Variants in MTAP observed in about 807,000 individuals in gnomAD.
MTAP encodes the protein methylthioadenosine phosphorylase, also known as S-methyl-5'-thioadenosine phosphorylase.
In MTAP, 33 loss-of-function variants were observed where a neutral mutation model predicts 33.6. That is an observed-to-expected ratio of 0.98 (90% confidence interval 0.74 to 1.31). The LOEUF (loss-of-function observed/expected upper bound fraction) is 1.31, where lower values mean the gene tolerates loss of function less well. MTAP is among the 40% of genes most tolerant of loss of function. MTAP has a pLI of 0.00. For synonymous variants in MTAP, 148 were observed against 125.7 expected, an observed-to-expected ratio of 1.18 and a Z score of -1.19; for missense variants, 367 against 360.0, an observed-to-expected ratio of 1.02 and a Z score of -0.16.
At chr9:21,920,301 G>T (rs193051762) in intron 1 of MTAP, among the ~76,000 whole-genome samples, 40 of 152,262 alleles carry the variant, frequency 2.6e-4, no homozygotes, top group Admixed American at 2.6e-3. Context: ...CACCTAAGAA[G>T]ACTGTAAGAT....
intron 4 of MTAP, among the ~76,000 whole-genome samples, chr9:21,823,405 GA>G (rs1451435722): frequency 1.3e-5 from 2 of 152,150 alleles, no homozygotes; most frequent in Non-Finnish European, 2.9e-5. Flanking sequence ...ATTCTGGGTT[GA>G]AAATTCTTTT....
intron 1 of MTAP, among the ~76,000 whole-genome samples, chr9:21,896,874 T>A (rs142963934): frequency 0.01 from 1,562 of 152,214 alleles, 27 homozygotes; most frequent in African/African-American, 0.035. Flanking sequence ...CCTCCCTAAC[T>A]CACTTTATGA....
chr9:21,890,572 G>A (rs1290973122), intron 1 of MTAP, among the ~76,000 whole-genome samples: 1 of 152,164 alleles, frequency 6.6e-6, no homozygotes, highest in Admixed American at 6.5e-5. Flanking sequence ...AAGGACCCTT[G>A]TGAGAAAAAG....
intron 1 of MTAP, among the ~76,000 whole-genome samples, chr9:21,810,517 C>A (rs2117958820): frequency 6.6e-6 from 1 of 152,296 alleles, no homozygotes; most frequent in South Asian, 2.1e-4. Flanking sequence ...CCTGGGACTG[C>A]ATGAATCCCT....
rs759426951 is a variant in MTAP, at chr9:21,842,370, A to G, written c.450+4360A>G. ...TGAGGAAAACTTTGCTGGCCTTGCT[A>G]CAGATCTAGACATCCAAATACAAGA... On this transcript the variant is annotated intron_variant, in intron 5 of 7. Transcript: ENST00000644715. Among the ~76,000 whole-genome samples, 4 of 152,332 alleles carry G rather than the reference A, an allele frequency of 2.6e-5. No homozygotes were observed. The East Asian group carries it at 5.8e-4, about 22-fold the overall frequency.
chr9:21,812,035 G>T, intron 1 of MTAP: 1 of 256,014 alleles, frequency 3.9e-6, no homozygotes, highest in South Asian at 4.6e-5. Context: ...TAGCAACCAT[G>T]GCAGAGGTTG....
In MTAP at chr9:21,885,414, G is replaced by A. The variant is rs187932366; in HGVS notation, c.147+30544G>A. 2.9e-3 allele frequency among the ~76,000 whole-genome samples: 448 copies of A among 152,186 alleles called. 1 individual carries two copies. The highest frequency in any genetic ancestry group is 5.6e-3 in the Admixed American group (86 of 15,276). ...ATTCTGATTCAGTAGGTCTGGGGTGGGGCCCAATAATTTGCATTTTTTTTT... is the reference window on the plus strand; with the variant it reads ...ATTCTGATTCAGTAGGTCTGGGGTGAGGCCCAATAATTTGCATTTTTTTTT... On this transcript the variant is annotated intron_variant, in intron 1 of 1. Coordinates refer to the MTAP transcript ENST00000577563.
At chr9:21,828,568 G>A (rs180723640) in intron 4 of MTAP, among the ~76,000 whole-genome samples, 37 of 152,162 alleles carry the variant, frequency 2.4e-4, no homozygotes, top group African/African-American at 5.8e-4. Context: ...CCAGCTACTC[G>A]GAAGGCTGAG....
intron 1 of MTAP, among the ~76,000 whole-genome samples, chr9:21,805,323 C>T (rs1824182570): frequency 2.0e-5 from 3 of 152,208 alleles, no homozygotes; most frequent in Admixed American, 2.0e-4. Context: ...CAAATCTAGC[C>T]ATCTACTGGT....
intron 1 of MTAP, among the ~76,000 whole-genome samples, chr9:21,926,052 T>C (rs886110444): frequency 6.6e-6 from 1 of 152,188 alleles, no homozygotes; most frequent in Non-Finnish European, 1.5e-5. Flanking sequence ...GGGGCTTAGT[T>C]AACCTTTTCC....
chr9:21,862,170 TAG>T lies in MTAP; in HGVS notation c.*160_*161del. 1 of 1,454,776 alleles carries T rather than the reference TAG, an allele frequency of 6.9e-7. No homozygotes were observed. Among genetic ancestry groups the T allele is most frequent in the South Asian group, 1.5e-5 (1 of 65,756 alleles). The allele number at this position is 1,454,776 out of a possible 1,614,324, so 90.1% of individuals were successfully genotyped here. On this transcript the variant is annotated 3_prime_UTR_variant, in exon 8 of 8. Coordinates refer to ENST00000644715, the MANE Select transcript of MTAP (RefSeq NM_002451.4). ...AAGAAAGACAAGACATTGTGTGTAT[TAG>T]AGACTCCTGAATGATTTAGACAACT...
intron 1 of MTAP, chr9:21,930,049 C>G (rs1818931934): frequency 2.3e-6 from 1 of 430,014 alleles, no homozygotes; most frequent in South Asian, 2.0e-5. Context: ...AATGCCCAAG[C>G]TCATGCAGTA....
intron 1 of MTAP, among the ~76,000 whole-genome samples, chr9:21,803,981 A>G (rs1824138698): frequency 6.6e-6 from 1 of 152,198 alleles, no homozygotes; most frequent in Non-Finnish European, 1.5e-5. Context: ...TTTGAAAAGA[A>G]TCTTGCATCC....
intron 4 of MTAP, among the ~76,000 whole-genome samples, chr9:21,825,744 G>A (rs1824779138): frequency 6.6e-6 from 1 of 152,210 alleles, no homozygotes; most frequent in Admixed American, 6.5e-5. Flanking sequence ...AAGAGACTGA[G>A]GTGGGAGAAT....
chr9:21,933,647 T>C (rs1475505203), downstream of MTAP: 1 of 152,240 alleles, frequency 6.6e-6, no homozygotes, highest in Non-Finnish European at 1.5e-5. Context: ...ATCCTTTAGA[T>C]AATCTTAACT....
intron 1 of MTAP, among the ~76,000 whole-genome samples, chr9:21,909,670 G>C (rs1445155263): frequency 6.6e-6 from 1 of 152,096 alleles, no homozygotes; most frequent in Non-Finnish European, 1.5e-5. Context: ...GGGAGAGAAA[G>C]ATTAATGGTA....
At chr9:21,832,829 A>G (rs923710576) in intron 4 of MTAP, among the ~76,000 whole-genome samples, 3 of 152,178 alleles carry the variant, frequency 2.0e-5, no homozygotes, top group African/African-American at 7.2e-5. Flanking sequence ...ACTTGAAGAA[A>G]CTTAGGCCCT....
At chr9:21,861,810 C>T (rs1825759930) in intron 7 of MTAP, 166 bp from the exon 8 acceptor site, 2 of 618,130 alleles carry the variant, frequency 3.2e-6, no homozygotes, top group Non-Finnish European at 5.8e-6. Flanking sequence ...CCCGAAGTTC[C>T]ACATCTGGTT....
chr9:21,803,053 C>G (rs1824105458), intron 1 of MTAP: 2 of 988,378 alleles, frequency 2.0e-6, no homozygotes, highest in Non-Finnish European at 2.7e-6. Flanking sequence ...TTTGGCTTAT[C>G]TGCACCCGCA....
Sources: allele counts gnomAD v4.1 joint callset (sites outside exome capture counted in the v4.1 genomes callset), GRCh38; gene constraint gnomAD v4.1.1; transcripts MANE v1.5; gene names NCBI Gene and HGNC (gene_info 2026-07-23, HGNC 2026-07-21).